The following NEK7 variants were observed in gnomAD, a reference collection of about 807,000 sequenced individuals.
NEK7 encodes NIMA related kinase 7.
In NEK7, 18 loss-of-function variants were observed where a neutral mutation model predicts 44.6. That is an observed-to-expected ratio of 0.40 (90% confidence interval 0.28 to 0.60). The LOEUF (loss-of-function observed/expected upper bound fraction) is 0.60, where lower values mean the gene tolerates loss of function less well. Among genes scored for constraint, NEK7 ranks in the 20% least tolerant of loss-of-function variants. The pLI, the probability that NEK7 is intolerant of heterozygous loss-of-function variation, is 0.38. For synonymous variants in NEK7, 130 were observed against 121.1 expected, an observed-to-expected ratio of 1.07 and a Z score of -0.48; for missense variants, 256 against 366.5, an observed-to-expected ratio of 0.70 and a Z score of 2.46.
intron 6 of NEK7, 90 bp downstream of exon 6, chr1:198,278,159 T>C (rs926336844): frequency 1.3e-5 from 9 of 679,606 alleles, no homozygotes; most frequent in Non-Finnish European, 2.3e-5. Context: ...CATAATACCA[T>C]ACTTTTTCAG....
intron 1 of NEK7, among the ~76,000 whole-genome samples, chr1:198,204,077 G>A (rs1665517504): frequency 6.6e-6 from 1 of 152,022 alleles, no homozygotes; most frequent in Non-Finnish European, 1.5e-5. Context: ...GCAGCATAGC[G>A]AGATCCTGTC....
At chr1:198,272,031 A>G (rs1424123761) in intron 5 of NEK7, among the ~76,000 whole-genome samples, 5 of 150,924 alleles carry the variant, frequency 3.3e-5, no homozygotes, top group Non-Finnish European at 7.4e-5. Flanking sequence ...TATGGTATGT[A>G]TATGTAGGTG....
At position 198,252,557 on chromosome 1, in the gene NEK7, TATATATATATAA is replaced by T. The variant is rs1323690911; in HGVS notation, c.58-481_58-470del. Among the ~76,000 whole-genome samples the T allele has an allele frequency of 1.8e-3, 108 of 59,578 alleles. 3 individuals are homozygous for T. The highest frequency in any genetic ancestry group is 4.1e-3 in the Admixed American group (19 of 4,600). The allele number at this position is 59,578 out of a possible 152,430, so 39.1% of individuals were successfully genotyped here. A position where few individuals can be genotyped will look rare whatever the true frequency, so the allele number is the denominator to read the frequency against. On this transcript the variant is annotated intron_variant, in intron 2 of 9. Coordinates refer to ENST00000367385, the MANE Select transcript of NEK7 (RefSeq NM_133494.3). ...ATATATATATATATATATATATATATATATATATATAAAAAGTACATATATACACATATATAT... is the reference window on the plus strand; with the variant it reads ...ATATATATATATATATATATATATATAAAGTACATATATACACATATATAT...
At chr1:198,273,089 C>G (rs919246760) in intron 5 of NEK7, among the ~76,000 whole-genome samples, 1 of 151,602 alleles carries the variant, frequency 6.6e-6, no homozygotes, top group Non-Finnish European at 1.5e-5. Flanking sequence ...CTATTATAAT[C>G]TAAAAACAGC....
chr1:198,281,725 CT>C (rs1298805123), intron 7 of NEK7, among the ~76,000 whole-genome samples: 1 of 152,058 alleles, frequency 6.6e-6, no homozygotes, highest in African/African-American at 2.4e-5. Flanking sequence ...GGATCGTGCA[CT>C]TCCAAAACTA....
intron 5 of NEK7, among the ~76,000 whole-genome samples, chr1:198,265,328 G>A (rs935564371): frequency 5.3e-5 from 8 of 152,070 alleles, no homozygotes; most frequent in Admixed American, 2.6e-4. Context: ...GAACCATCTA[G>A]AAACAAACAA....
intron 1 of NEK7, among the ~76,000 whole-genome samples, chr1:198,221,326 G>C (rs1408207515): frequency 1.4e-4 from 22 of 151,794 alleles, no homozygotes; most frequent in Admixed American, 1.4e-3. Context: ...ATTAAAAGTT[G>C]AGTTTGAAAG....
intron 7 of NEK7, among the ~76,000 whole-genome samples, chr1:198,280,230 G>A (rs1357349152): frequency 1.3e-5 from 2 of 152,000 alleles, no homozygotes; most frequent in Non-Finnish European, 2.9e-5. Context: ...AAGAGTGGAG[G>A]AGTTCTATAG....
At chr1:198,227,708 TG>T (rs1337695018) in intron 1 of NEK7, among the ~76,000 whole-genome samples, 4 of 152,230 alleles carry the variant, frequency 2.6e-5, no homozygotes, top group Non-Finnish European at 5.9e-5. Flanking sequence ...CCACTTTTGA[TG>T]GGGTTGTTTG....
At chr1:198,230,023 G>A (rs1287510955) in intron 1 of NEK7, among the ~76,000 whole-genome samples, 1 of 152,146 alleles carries the variant, frequency 6.6e-6, no homozygotes, top group African/African-American at 2.4e-5. Context: ...CACAAAGAAA[G>A]CAAAGCAAAG....
At chr1:198,215,277 A>G (rs555563241) in intron 1 of NEK7, among the ~76,000 whole-genome samples, 2 of 152,304 alleles carry the variant, frequency 1.3e-5, no homozygotes, top group South Asian at 4.1e-4. Flanking sequence ...TGAAGAGAAC[A>G]AAGTCACTAG....
At chr1:198,219,482 T>C (rs2102840515) in intron 1 of NEK7, among the ~76,000 whole-genome samples, 1 of 151,772 alleles carries the variant, frequency 6.6e-6, no homozygotes, top group African/African-American at 2.4e-5. Context: ...ATGTTCTTAC[T>C]TATAATTGGG....
intron 1 of NEK7, among the ~76,000 whole-genome samples, chr1:198,204,720 A>AC (rs543166344): frequency 4.8e-4 from 41 of 85,314 alleles, no homozygotes; most frequent in African/African-American, 1.8e-3. Flanking sequence ...TCCGTCTCAA[A>AC]AAAAAAAAAA....
chr1:198,292,364 G>A lies in NEK7; in HGVS notation c.590-581G>A, dbSNP rs1318806917. Among the ~76,000 whole-genome samples, 9 of 152,052 alleles carry A rather than the reference G, an allele frequency of 5.9e-5. No individual in the cohort carries two copies. The South Asian group carries it at 1.9e-3, about 31-fold the overall frequency. On this transcript the variant is annotated intron_variant, in intron 7 of 9. Transcript: ENST00000367385. ...TCAAGACATTTTTCCAGAGATGCCA[G>A]TGCCCTTTCACATTTGTTATTATAT...
At chr1:198,195,248 C>CT (rs1665197240) in intron 1 of NEK7, among the ~76,000 whole-genome samples, 1 of 151,800 alleles carries the variant, frequency 6.6e-6, no homozygotes, top group Non-Finnish European at 1.5e-5. Context: ...TTTCAGTAGA[C>CT]TAAAAAAAAA....
chr1:198,161,616 C>T (rs1664108817), intron 1 of NEK7, among the ~76,000 whole-genome samples: 1 of 152,132 alleles, frequency 6.6e-6, no homozygotes, highest in Non-Finnish European at 1.5e-5. Flanking sequence ...ACCCAGCTGT[C>T]CATTCCCAAA....
chr1:198,197,717 A>G (rs1001748266), intron 1 of NEK7: 5 of 540,454 alleles, frequency 9.3e-6, no homozygotes, highest in Admixed American at 2.3e-5. Flanking sequence ...ACAATATGGC[A>G]TCTGAAGTTC....
chr1:198,185,823 G>A (rs751987812), intron 1 of NEK7, among the ~76,000 whole-genome samples: 3 of 152,142 alleles, frequency 2.0e-5, no homozygotes, highest in East Asian at 1.9e-4. Flanking sequence ...AGGAAATGGG[G>A]CAGAGAAGGC....
intron 1 of NEK7, among the ~76,000 whole-genome samples, chr1:198,226,915 C>A (rs982718964): frequency 6.6e-6 from 1 of 151,864 alleles, no homozygotes; most frequent in African/African-American, 2.4e-5. Context: ...ATATACACAA[C>A]GTGCAGGTTA....
Sources: gnomAD v4.1 joint callset for allele counts (sites outside exome capture counted in the v4.1 genomes callset) on GRCh38, gnomAD v4.1.1 for gene constraint, MANE v1.5 for transcripts, NCBI Gene and HGNC (gene_info 2026-07-23, HGNC 2026-07-21) for gene names.